USP22: variants seen among roughly 807,000 people sequenced by gnomAD.
The protein encoded by USP22 is ubiquitin carboxyl-terminal hydrolase 22.
A neutral mutation model predicts 68.1 loss-of-function variants in USP22; 22 were observed. That is an observed-to-expected ratio of 0.32 (90% confidence interval 0.23 to 0.46). The LOEUF is 0.46. Among genes scored for constraint, USP22 ranks in the 20% least tolerant of loss-of-function variants. The probability of loss-of-function intolerance (pLI) is 1.00; values close to 1 mark genes in which losing one functional copy is unlikely to be tolerated. For synonymous variants in USP22, 279 were observed against 274.2 expected, an observed-to-expected ratio of 1.02 and a Z score of -0.17; for missense variants, 433 against 695.8, an observed-to-expected ratio of 0.62 and a Z score of 4.25.
intron 8 of USP22, among the ~76,000 whole-genome samples, 163 bp downstream of exon 8, chr17:21,010,988 C>A (rs1381836261): frequency 6.6e-6 from 1 of 152,202 alleles, no homozygotes; most frequent in Non-Finnish European, 1.5e-5. Context: ...CTGGCCAAAA[C>A]AAAGGACAAA....
intron 2 of USP22, among the ~76,000 whole-genome samples, chr17:21,023,986 T>C (rs1430298676): frequency 1.3e-5 from 2 of 152,244 alleles, no homozygotes; most frequent in Non-Finnish European, 2.9e-5. Flanking sequence ...CTACGACTTA[T>C]ATTGTGGTAA....
intron 1 of USP22, 108 bp from the exon 2 acceptor site, chr17:21,028,782 C>T: frequency 7.4e-7 from 1 of 1,359,840 alleles, no homozygotes; most frequent in Non-Finnish European, 9.9e-7. Context: ...GAAGAAAGGA[C>T]AGGGAATTCC....
At chr17:21,011,370 C>T in intron 7 of USP22, 61 bp from the exon 8 acceptor site, 1 of 1,544,292 alleles carries the variant, frequency 6.5e-7, no homozygotes, top group Non-Finnish European at 8.8e-7. Context: ...CCAGAGGCAA[C>T]CCGGGGTGGA....
chr17:21,040,797 C>T (rs1252915999), intron 1 of USP22, among the ~76,000 whole-genome samples: 1 of 151,956 alleles, frequency 6.6e-6, no homozygotes, highest in Non-Finnish European at 1.5e-5. Context: ...AGTAACAAAT[C>T]TTGGGCGCGT....
chr17:21,009,972 TA>T (rs1555589967), intron 8 of USP22, among the ~76,000 whole-genome samples: 163 of 142,422 alleles, frequency 1.1e-3, no homozygotes, highest in Admixed American at 2.6e-3. Context: ...AAAAAAAAAT[TA>T]AAAAAAAAAA....
At chr17:21,006,301 C>T (rs1300020673) in intron 10 of USP22, among the ~76,000 whole-genome samples, 1 of 152,252 alleles carries the variant, frequency 6.6e-6, no homozygotes, top group Non-Finnish European at 1.5e-5. Context: ...TGTACTTCAA[C>T]ATCTGTTCCA....
chr17:21,004,427 A>G (rs1913708163), intron 11 of USP22, 76 bp from the exon 12 acceptor site: 1 of 1,565,898 alleles, frequency 6.4e-7, no homozygotes, highest in African/African-American at 1.3e-5. Flanking sequence ...ATCAGAAACC[A>G]GGCAGCCCAG....
At chr17:21,016,971 A>G (rs1036964297) in intron 5 of USP22, among the ~76,000 whole-genome samples, 1 of 152,234 alleles carries the variant, frequency 6.6e-6, no homozygotes, top group Admixed American at 6.5e-5. Flanking sequence ...CACTAAAGTC[A>G]GTGATACAAC....
intron 1 of USP22, among the ~76,000 whole-genome samples, chr17:21,041,372 T>C (rs372065669): frequency 6.6e-6 from 1 of 150,660 alleles, no homozygotes; most frequent in Non-Finnish European, 1.5e-5. Flanking sequence ...CAGAGGCGGG[T>C]GGATCACCTG....
At chr17:21,005,553 C>G (rs1913751714) in intron 10 of USP22, among the ~76,000 whole-genome samples, 1 of 152,160 alleles carries the variant, frequency 6.6e-6, no homozygotes, top group Admixed American at 6.5e-5. Flanking sequence ...AGACCCTGAC[C>G]TTAGAACAGT....
At position 21,028,619 on chromosome 17, in the gene USP22, C is replaced by A; in HGVS notation, c.227G>T (p.Cys76Phe). 6.2e-7 allele frequency: 1 copy of A among 1,614,008 alleles called. No individual in the cohort carries two copies. The highest frequency in any genetic ancestry group is 8.5e-7 in the Non-Finnish European group (1 of 1,179,998). Reference protein sequence around the residue: ...CGVHLNRLHSCLYCVFFGCFT... With the variant: ...CGVHLNRLHSFLYCVFFGCFT... ...ACAGCCGAAGAAGACACAGTAGAGG[C>A]AGGAATGCAGCCTGTTGAGGTGGAC... is the stretch of plus-strand genomic sequence containing the variant. The change falls in exon 2 of 13, where the codon TGC becomes TTC. Residue 76 changes from cysteine (C) to phenylalanine (F), a missense_variant. Physicochemically the swap from Cys to Phe is radical, Grantham distance 205 (BLOSUM62 -2). Around this residue, in one of 4 missense-constraint regions of USP22, gnomAD observed 144 missense variants for 237.2 expected, o/e 0.61. Coordinates refer to ENST00000261497, the MANE Select transcript of USP22 (RefSeq NM_015276.2).
chr17:21,022,066 C>T (rs1215525507), intron 2 of USP22, among the ~76,000 whole-genome samples: 1 of 152,062 alleles, frequency 6.6e-6, no homozygotes, highest in African/African-American at 2.4e-5. Flanking sequence ...TGCCACTGCA[C>T]TCCAGCCTGG....
chr17:21,015,706 A>T (rs1914111354), intron 6 of USP22, 46 bp downstream of exon 6: 1 of 1,563,866 alleles, frequency 6.4e-7, no homozygotes, highest in African/African-American at 1.4e-5. Context: ...TTCCCCTTCA[A>T]GGAAAACATC....
At chr17:21,035,587 G>T (rs556751289) in intron 1 of USP22, among the ~76,000 whole-genome samples, 23 of 151,724 alleles carry the variant, frequency 1.5e-4, no homozygotes, top group African/African-American at 5.3e-4. Context: ...CAGACTATAG[G>T]GAAGTCAACA....
intron 6 of USP22, among the ~76,000 whole-genome samples, chr17:21,015,428 C>T (rs1002848320): frequency 6.6e-6 from 1 of 152,106 alleles, no homozygotes; most frequent in Admixed American, 6.5e-5. Flanking sequence ...CCACAGGGTC[C>T]CAGAAATGCC....
At chr17:21,007,691 A>G (rs1913821945) in intron 9 of USP22, among the ~76,000 whole-genome samples, 179 bp downstream of exon 9, 1 of 152,248 alleles carries the variant, frequency 6.6e-6, no homozygotes, top group Non-Finnish European at 1.5e-5. Context: ...ACCGCAGCAC[A>G]GACAAAAGGA....
chr17:21,001,346 C>CA lies in USP22; in HGVS notation c.*1684dup, dbSNP rs1425089169. Reference sequence around the variant, plus strand: ...ACACTGAGCAGTGAGTAGCAGCTGCCACTGTCACTACCCCCTCCCCAGCCC... The same window carrying CA: ...ACACTGAGCAGTGAGTAGCAGCTGCCAACTGTCACTACCCCCTCCCCAGCCC... On this transcript the variant is annotated 3_prime_UTR_variant, in exon 13 of 13. Coordinates refer to ENST00000261497, the MANE Select transcript of USP22 (RefSeq NM_015276.2). 1.3e-5 allele frequency: 2 copies of CA among 152,316 alleles called. No homozygotes were observed. The highest frequency in any genetic ancestry group is 2.9e-5 in the Non-Finnish European group (2 of 68,030). 9.4% of individuals were successfully genotyped at this position (152,316 alleles called of 1,614,324 possible).
chr17:21,038,489 C>T (rs1972384130), intron 1 of USP22, among the ~76,000 whole-genome samples: 1 of 151,876 alleles, frequency 6.6e-6, no homozygotes, highest in African/African-American at 2.4e-5. Context: ...GGCAACATGG[C>T]AAAACTCATG....
chr17:21,036,531 G>T (rs1422178798), intron 1 of USP22, among the ~76,000 whole-genome samples: 3 of 130,926 alleles, frequency 2.3e-5, no homozygotes, highest in Non-Finnish European at 4.9e-5. Flanking sequence ...GGGGGGGGGG[G>T]GTCAAGTCAT....
Sources: gnomAD v4.1 joint callset for allele counts (sites outside exome capture counted in the v4.1 genomes callset) on GRCh38, gnomAD v4.1.1 for gene constraint, gnomAD v4.1.1 regional missense constraint, MANE v1.5 for transcripts, NCBI Gene and HGNC (gene_info 2026-07-23, HGNC 2026-07-21) for gene names.